Variants in EFR3A observed in about 807,000 individuals in gnomAD.
The protein encoded by EFR3A is protein EFR3 homolog A.
A neutral mutation model predicts 104.4 loss-of-function variants in EFR3A; 76 were observed. That is an observed-to-expected ratio of 0.73 (90% CI 0.60 to 0.88). The LOEUF (loss-of-function observed/expected upper bound fraction) is 0.88. EFR3A is among the 40% of genes least tolerant of loss of function. The probability of loss-of-function intolerance (pLI) is 0.00; values close to 1 mark genes in which losing one functional copy is unlikely to be tolerated. For synonymous variants in EFR3A, 330 were observed against 330.0 expected (o/e 1.00, Z 0.00); for missense variants, 985 against 1,012.5 (o/e 0.97, Z 0.37).
intron 18 of EFR3A, among the ~76,000 whole-genome samples, chr8:131,991,603 T>C (rs954329639): frequency 5.3e-5 from 8 of 152,006 alleles, no homozygotes; most frequent in Admixed American, 3.9e-4. Flanking sequence ...AATGAAAATT[T>C]TAAAAACAGC....
Position 131,940,628 on chromosome 8 carries a change from C to T in EFR3A, c.87+53C>T, listed in dbSNP as rs940719710. On this transcript the variant is annotated intron_variant, in intron 2 of 22. Transcript: ENST00000254624. ...TCTCTTTGCTGACCCATTCTGCCCC[C>T]CGCTGACCTCCTTAAGGTTTCCCTA... The T allele has an allele frequency of 9.0e-6, 14 of 1,562,020 alleles. No individual in the cohort carries two copies. The Admixed American group carries it at 2.3e-4, about 25-fold the overall frequency.
chr8:131,904,333 G>C lies in EFR3A; in HGVS notation c.10+11G>C, dbSNP rs1015657022. 59 of 1,250,978 alleles carry C rather than the reference G, an allele frequency of 4.7e-5. No homozygotes were observed. The Admixed American group carries it at 7.2e-4, about 15-fold the overall frequency. The allele number at this position is 1,250,978 out of a possible 1,614,324, so 77.5% of individuals were successfully genotyped here. ...TCGCCATGCCTACCCGTGAGTGGCC[G>C]GCCGAGGGCCGGGGGCGTTGGGAGG... On this transcript the variant is annotated intron_variant, in intron 1 of 22. Transcript: ENST00000254624.
intron 4 of EFR3A, 122 bp downstream of exon 4, chr8:131,946,755 C>A: frequency 1.1e-6 from 1 of 904,290 alleles, no homozygotes; most frequent in Non-Finnish European, 1.5e-6. Flanking sequence ...GAACAGTCAA[C>A]ACAAATTAAG....
At chr8:132,010,221 A>G (rs893362144) in intron 22 of EFR3A, among the ~76,000 whole-genome samples, 1 of 151,712 alleles carries the variant, frequency 6.6e-6, no homozygotes, top group African/African-American at 2.4e-5. Flanking sequence ...GGCAATATGT[A>G]TGTACCAAAG....
intron 14 of EFR3A, among the ~76,000 whole-genome samples, chr8:131,982,109 C>T (rs1188389458): frequency 6.6e-6 from 1 of 152,080 alleles, no homozygotes; most frequent in Non-Finnish European, 1.5e-5. Flanking sequence ...TTCATAACTC[C>T]ATCCTCTCCC....
intron 1 of EFR3A, among the ~76,000 whole-genome samples, chr8:131,939,214 A>G (rs1818048145): frequency 6.6e-6 from 1 of 152,112 alleles, no homozygotes. Flanking sequence ...AGGCATTATT[A>G]CATCTATTTT....
At chr8:131,940,143 T>A in intron 1 of EFR3A, 1 of 206,204 alleles carries the variant, frequency 4.8e-6, no homozygotes, top group Non-Finnish European at 9.9e-6. Context: ...GGGAGACCAC[T>A]GTGGCTTGAG....
intron 1 of EFR3A, among the ~76,000 whole-genome samples, chr8:131,936,312 A>T (rs974501528): frequency 6.6e-6 from 1 of 152,110 alleles, no homozygotes; most frequent in African/African-American, 2.4e-5. Flanking sequence ...CTGTCACAAT[A>T]CTTGAACACT....
At chr8:131,992,391 G>A (rs915673265) in intron 18 of EFR3A, among the ~76,000 whole-genome samples, 3 of 152,176 alleles carry the variant, frequency 2.0e-5, no homozygotes, top group African/African-American at 7.2e-5. Flanking sequence ...TTGCAGTTGA[G>A]TATGTACTGA....
intron 18 of EFR3A, among the ~76,000 whole-genome samples, chr8:131,988,177 T>C (rs202207134): frequency 0.34 from 51,123 of 151,818 alleles, 8,994 homozygotes; most frequent in East Asian, 0.61. Flanking sequence ...CTATATATTT[T>C]CTCTGTGAAC....
intron 4 of EFR3A, among the ~76,000 whole-genome samples, chr8:131,948,472 T>G (rs2130594669): frequency 6.6e-6 from 1 of 152,282 alleles, no homozygotes; most frequent in South Asian, 2.1e-4. Context: ...AATATGATTT[T>G]TATCACTTAC....
At chr8:131,940,624 C>T (rs1485862409) in intron 2 of EFR3A, 49 bp downstream of exon 2, 4 of 1,566,194 alleles carry the variant, frequency 2.6e-6, no homozygotes, top group African/African-American at 1.4e-5. Context: ...ACCCATTCTG[C>T]CCCCCGCTGA....
Position 131,979,017 on chromosome 8 carries a change from C to T in EFR3A, c.1497C>T (p.Ile499=), listed in dbSNP as rs141932899. ...ACAATAGGGCAAAGCTTCGAGGGAT[C>T]AGGTAATGTGCCATTTTGAAATGGA... ...RHDNRAKLRG[I]RIIPDVADLK... The change falls in exon 13 of 23, where the codon ATC becomes ATT. Residue 499 remains isoleucine, a splice_region_variant and synonymous_variant. Coordinates refer to ENST00000254624, the MANE Select transcript of EFR3A (RefSeq NM_015137.6). 15 of 1,603,546 alleles carry T rather than the reference C, an allele frequency of 9.4e-6. No homozygotes were observed. In the African/African-American group the frequency reaches 1.7e-4, roughly 19 times the overall value.
chr8:131,932,137 G>A (rs891189695), intron 1 of EFR3A, among the ~76,000 whole-genome samples: 2 of 151,910 alleles, frequency 1.3e-5, no homozygotes, highest in Non-Finnish European at 2.9e-5. Flanking sequence ...AATGTTATTG[G>A]TTCTTTCTGT....
intron 9 of EFR3A, among the ~76,000 whole-genome samples, chr8:131,969,034 A>G (rs1309421223): frequency 1.3e-5 from 2 of 152,234 alleles, no homozygotes; most frequent in African/African-American, 2.4e-5. Context: ...TGTAGGGCAC[A>G]TTAGAAATAA....
intron 2 of EFR3A, among the ~76,000 whole-genome samples, chr8:131,943,861 G>A (rs1302226879): frequency 2.6e-5 from 4 of 151,942 alleles, no homozygotes; most frequent in Non-Finnish European, 5.9e-5. Flanking sequence ...CCTTCTCTGG[G>A]AAAGAGAAGA....
At chr8:132,004,277 A>T (rs894696391) in intron 22 of EFR3A, among the ~76,000 whole-genome samples, 1 of 152,210 alleles carries the variant, frequency 6.6e-6, no homozygotes, top group South Asian at 2.1e-4. Context: ...AGAGACCTGT[A>T]CTGGCCCATG....
chr8:131,994,962 G>C (rs1406701422), intron 18 of EFR3A, among the ~76,000 whole-genome samples: 3 of 152,126 alleles, frequency 2.0e-5, no homozygotes, highest in Admixed American at 6.5e-5. Flanking sequence ...ACTGGGAGTA[G>C]AACAGTAGCC....
intron 7 of EFR3A, among the ~76,000 whole-genome samples, chr8:131,958,028 CAGAT>C (rs1239347465): frequency 2.6e-5 from 4 of 151,770 alleles, no homozygotes; most frequent in Admixed American, 6.6e-5. Flanking sequence ...GAAAGTTAAT[CAGAT>C]AGAGCTATAT....
Sources: gnomAD v4.1 joint callset for allele counts (sites outside exome capture counted in the v4.1 genomes callset) on GRCh38, gnomAD v4.1.1 for gene constraint, MANE v1.5 for transcripts, NCBI Gene and HGNC (gene_info 2026-07-23, HGNC 2026-07-21) for gene names.